POC1B: variants seen among roughly 807,000 people sequenced by gnomAD.
POC1B encodes the protein POC1 centriolar protein homolog B.
In POC1B, 44 loss-of-function variants were observed where a neutral mutation model predicts 60.6. The observed-to-expected ratio is 0.73, with a 90% CI of 0.57 to 0.93. The LOEUF (loss-of-function observed/expected upper bound fraction) is 0.93. Among genes scored for constraint, POC1B ranks in the 40% least tolerant of loss-of-function variants. The pLI, the probability that POC1B is intolerant of heterozygous loss-of-function variation, is 0.00. For missense variants in POC1B, 555 were observed against 572.3 expected (o/e 0.97, Z 0.31); for synonymous variants, 180 against 198.9 (o/e 0.90, Z 0.80).
chr12:89,453,049 A>T (rs1882118114), intron 10 of POC1B, among the ~76,000 whole-genome samples: 1 of 152,156 alleles, frequency 6.6e-6, no homozygotes, highest in South Asian at 2.1e-4. Context: ...AAAAAATATT[A>T]ATGTGTTTTC....
chr12:89,421,056 T>C lies in POC1B; in HGVS notation c.*97A>G. On this transcript the variant is annotated 3_prime_UTR_variant, in exon 12 of 12. Transcript: ENST00000313546. ...AAATGCCATGATAAATAGCACATGGTTGTGTTGTATGGAGTATCTTGTACT... is the reference window on the plus strand; with the variant it reads ...AAATGCCATGATAAATAGCACATGGCTGTGTTGTATGGAGTATCTTGTACT... 1.1e-6 allele frequency: 1 copy of C among 869,602 alleles called. No individual in the cohort carries two copies. The highest frequency in any genetic ancestry group is 2.7e-5 in the East Asian group (1 of 37,106). 53.9% of individuals were successfully genotyped at this position (869,602 alleles called of 1,614,324 possible).
intron 4 of POC1B, among the ~76,000 whole-genome samples, chr12:89,479,658 C>T (rs1883245954): frequency 6.6e-6 from 1 of 152,010 alleles, no homozygotes; most frequent in Admixed American, 6.5e-5. Context: ...CTGTGCGACA[C>T]TGAATAAGCT....
intron 4 of POC1B, among the ~76,000 whole-genome samples, chr12:89,490,548 T>C (rs139680262): frequency 6.6e-6 from 1 of 152,194 alleles, no homozygotes; most frequent in African/African-American, 2.4e-5. Flanking sequence ...TTTTGCCACA[T>C]TGGCCAGGCT....
intron 2 of POC1B, 188 bp downstream of exon 2, chr12:89,524,932 G>T: frequency 1.1e-6 from 1 of 928,420 alleles, no homozygotes; most frequent in Non-Finnish European, 1.6e-6. Flanking sequence ...CGGGCCGGGG[G>T]CTGGGGGCCG....
At chr12:89,488,762 C>T (rs774176004) in intron 4 of POC1B, among the ~76,000 whole-genome samples, 5 of 152,128 alleles carry the variant, frequency 3.3e-5, no homozygotes, top group Non-Finnish European at 7.4e-5. Flanking sequence ...GCTGGGATTA[C>T]GGGCATGAGT....
chr12:89,439,770 A>AT (rs1881432710), intron 10 of POC1B, among the ~76,000 whole-genome samples: 1 of 151,612 alleles, frequency 6.6e-6, no homozygotes, highest in Admixed American at 6.6e-5. Flanking sequence ...TGCCTGGCTA[A>AT]TTTTTTTGTA....
At chr12:89,524,314 T>C (rs1871215436) in intron 2 of POC1B, 1 of 1,613,996 alleles carries the variant, frequency 6.2e-7, no homozygotes, top group African/African-American at 1.3e-5. Context: ...TTTGCTGGCT[T>C]TCCCCCACTC....
chr12:89,416,957 T>C (rs1239050448), downstream of POC1B, among the ~76,000 whole-genome samples: 2 of 152,166 alleles, frequency 1.3e-5, no homozygotes, highest in Non-Finnish European at 2.9e-5. Context: ...AATAATCACA[T>C]ATTGTTAGAA....
At chr12:89,451,050 T>C (rs1882022759) in intron 10 of POC1B, among the ~76,000 whole-genome samples, 1 of 151,880 alleles carries the variant, frequency 6.6e-6, no homozygotes, top group African/African-American at 2.4e-5. Flanking sequence ...TATTAGAAAC[T>C]AGACACTCAA....
At position 89,421,176 on chromosome 12, in the gene POC1B, T is replaced by G; in HGVS notation, c.1414A>C (p.Ser472Arg). 1 of 1,599,462 alleles carries G rather than the reference T, an allele frequency of 6.3e-7. No individual in the cohort carries two copies. Among genetic ancestry groups the G allele is most frequent in the Non-Finnish European group, 8.6e-7 (1 of 1,168,954 alleles). Reference protein sequence around the residue: ...DCLENQQKLFSAVQQKS With the variant: ...DCLENQQKLFRAVQQKS ...ATTCAGCTTTTCTGTTGGACAGCAC[T>G]GAAAAGCTTTTGCTGATTTTCAAGG... The change falls in exon 12 of 12, where the codon AGT (serine) becomes CGT (arginine). Residue 472 changes from serine (S) to arginine (R), a missense_variant. By Grantham distance (110) the Ser-to-Arg change is moderately radical (BLOSUM62 -1). Transcript: ENST00000313546.
chr12:89,425,273 T>C lies in POC1B; in HGVS notation c.1220A>G (p.Lys407Arg), dbSNP rs1337041775. The stretch of plus-strand genomic sequence containing the variant: ...GTCACTCATGTCTTCTGTTTTCTTT[T>C]TCGTGGTTGTTGGCAAACATTCTGG... ...MSPECLPTTT[K>R]KKTEDMSDLP... The change falls in exon 11 of 12, where the codon AAA becomes AGA. Residue 407 changes from lysine to arginine, a missense_variant. Physicochemically the swap from Lys to Arg is conservative, Grantham distance 26. Transcript: ENST00000313546. 1 of 1,614,130 alleles carries C rather than the reference T, an allele frequency of 6.2e-7. No individual in the cohort carries two copies. Among genetic ancestry groups the C allele is most frequent in the East Asian group, 2.2e-5 (1 of 44,882 alleles).
the POC1B span, among the ~76,000 whole-genome samples, chr12:89,405,241 T>C: frequency 2.6e-4 from 40 of 151,314 alleles, no homozygotes; most frequent in Non-Finnish European, 4.9e-4. Flanking sequence ...TATGAAAATA[T>C]GATATAGTCC....
At chr12:89,404,682 G>T in the POC1B span, among the ~76,000 whole-genome samples, 1 of 152,086 alleles carries the variant, frequency 6.6e-6, no homozygotes, top group Non-Finnish European at 1.5e-5. Flanking sequence ...CAACTAACTT[G>T]ACTGTCAGCT....
intron 11 of POC1B, among the ~76,000 whole-genome samples, chr12:89,422,215 G>T (rs552355326): frequency 5.9e-5 from 9 of 152,142 alleles, no homozygotes; most frequent in African/African-American, 2.2e-4. Flanking sequence ...TGCCTACCAC[G>T]ACTTCCTTGC....
intron 9 of POC1B, among the ~76,000 whole-genome samples, chr12:89,463,167 T>C (rs1025759579): frequency 1.3e-5 from 2 of 152,194 alleles, no homozygotes; most frequent in Non-Finnish European, 2.9e-5. Flanking sequence ...CTAAATATCA[T>C]ACAGAATTTC....
intron 2 of POC1B, chr12:89,521,989 G>C: frequency 2.5e-6 from 1 of 398,990 alleles, no homozygotes; most frequent in Non-Finnish European, 4.4e-6. Context: ...GGGAGGCATA[G>C]TATTCTGGAT....
chr12:89,512,467 T>G (rs1205318546), intron 2 of POC1B, among the ~76,000 whole-genome samples: 2 of 152,304 alleles, frequency 1.3e-5, no homozygotes, highest in South Asian at 4.1e-4. Flanking sequence ...CAATACTGCG[T>G]AAGTATCAAG....
chr12:89,455,035 C>T (rs938701681), intron 10 of POC1B, among the ~76,000 whole-genome samples: 2 of 150,236 alleles, frequency 1.3e-5, no homozygotes, highest in African/African-American at 5.0e-5. Context: ...GAAGCAACTA[C>T]TTATACCTCG....
intron 2 of POC1B, among the ~76,000 whole-genome samples, chr12:89,504,004 C>G (rs1233944413): frequency 1.3e-5 from 2 of 149,320 alleles, no homozygotes; most frequent in African/African-American, 5.0e-5. Flanking sequence ...CGCCTCTGCC[C>G]GGCCGCCGCC....
Sources: gnomAD v4.1 joint callset for allele counts (sites outside exome capture counted in the v4.1 genomes callset) on GRCh38, gnomAD v4.1.1 for gene constraint, MANE v1.5 for transcripts, NCBI Gene and HGNC (gene_info 2026-07-23, HGNC 2026-07-21) for gene names.